FGF12: variants seen among roughly 807,000 people sequenced by gnomAD.
FGF12 encodes the protein fibroblast growth factor 12B.
Under a neutral mutation model 23.6 loss-of-function variants are expected in FGF12, and 14 were observed. The observed-to-expected ratio is 0.59, with a 90% CI of 0.39 to 0.93. FGF12 has a LOEUF of 0.93. FGF12 is among the 40% of genes least tolerant of loss of function. The pLI, the probability that FGF12 is intolerant of heterozygous loss-of-function variation, is 0.00. For missense variants in FGF12, 175 were observed against 217.8 expected, an observed-to-expected ratio of 0.80 and a Z score of 1.24; for synonymous variants, 62 against 77.3, an observed-to-expected ratio of 0.80 and a Z score of 1.04.
chr3:192,343,878 T>C (rs1449031596), intron 3 of FGF12, among the ~76,000 whole-genome samples: 2 of 152,200 alleles, frequency 1.3e-5, no homozygotes, highest in African/African-American at 2.4e-5. Context: ...TTGTTGTTAC[T>C]GAATTTAACC....
chr3:192,597,299 A>C (rs1196485543), intron 2 of FGF12, among the ~76,000 whole-genome samples: 1 of 152,190 alleles, frequency 6.6e-6, no homozygotes, highest in Non-Finnish European at 1.5e-5. Flanking sequence ...TTCACGCACC[A>C]AACCACAGTA....
chr3:192,453,143 C>T (rs1560115804), intron 2 of FGF12, among the ~76,000 whole-genome samples: 1 of 152,052 alleles, frequency 6.6e-6, no homozygotes, highest in Non-Finnish European at 1.5e-5. Flanking sequence ...TTATTATGAC[C>T]TGGGTAATCA....
At chr3:192,500,939 G>T (rs780953227) in intron 2 of FGF12, among the ~76,000 whole-genome samples, 27 of 152,256 alleles carry the variant, frequency 1.8e-4, no homozygotes, top group Middle Eastern at 3.4e-3. Context: ...GTAAAACCCA[G>T]GCAACGTGGC....
Position 192,246,068 on chromosome 3 carries a change from A to G in FGF12, c.229-75412T>C, listed in dbSNP as rs189583212. Reference sequence around the variant, plus strand: ...AAAATTCTGTTTTTAATAACATCAGAACATAAACATAACTTCAAAACATTT... The same window carrying G: ...AAAATTCTGTTTTTAATAACATCAGGACATAAACATAACTTCAAAACATTT... On this transcript the variant is annotated intron_variant, in intron 4 of 5. Transcript: ENST00000445105. Among the ~76,000 whole-genome samples, 10 of 152,338 alleles carry G rather than the reference A, an allele frequency of 6.6e-5. No homozygotes were observed. The East Asian group carries it at 1.9e-3, about 29-fold the overall frequency.
At chr3:192,521,540 CA>C (rs1164215945) in intron 2 of FGF12, 2 of 152,108 alleles carry the variant, frequency 1.3e-5, no homozygotes, top group East Asian at 3.9e-4. Flanking sequence ...AGCAATTGCT[CA>C]TTAGTCAAAA....
chr3:192,207,774 G>T (rs1288697145), intron 4 of FGF12, among the ~76,000 whole-genome samples: 1 of 152,120 alleles, frequency 6.6e-6, no homozygotes, highest in African/African-American at 2.4e-5. Context: ...TATTTCCTTG[G>T]CATCAGAGTG....
intron 2 of FGF12, among the ~76,000 whole-genome samples, chr3:192,363,894 A>G (rs1016164581): frequency 5.9e-5 from 9 of 152,228 alleles, no homozygotes; most frequent in African/African-American, 2.2e-4. Context: ...ATATGAAGAA[A>G]ACGAAAACCT....
At chr3:192,656,011 A>C (rs1345887181) in intron 2 of FGF12, among the ~76,000 whole-genome samples, 6 of 150,686 alleles carry the variant, frequency 4.0e-5, no homozygotes, top group African/African-American at 1.2e-4. Flanking sequence ...CATGCCAGAA[A>C]AGAAATTCCC....
In FGF12 at chr3:192,393,319, C is replaced by A. The variant is rs207464193; in HGVS notation, c.14-32781G>T. Among the ~76,000 whole-genome samples, 3 of 152,332 alleles carry A rather than the reference C, an allele frequency of 2.0e-5. No individual in the cohort carries two copies. In the South Asian group the frequency reaches 6.2e-4, roughly 32 times the overall value. On this transcript the variant is annotated intron_variant, in intron 2 of 5. Transcript: ENST00000445105. ...TAGCCAGTGATTCAGTAGAATCCTA[C>A]ATTGACTCTCAACTCACTTGTAAAT...
chr3:192,387,458 A>G, intron 2 of FGF12, among the ~76,000 whole-genome samples: 1 of 152,320 alleles, frequency 6.6e-6, no homozygotes, highest in East Asian at 1.9e-4. Flanking sequence ...AAAGCCAGGT[A>G]TGCTTCAATA....
chr3:192,722,173 G>T (rs1210280921), intron 2 of FGF12, among the ~76,000 whole-genome samples: 7 of 152,148 alleles, frequency 4.6e-5, no homozygotes, highest in African/African-American at 1.4e-4. Context: ...AAGAGGAAAA[G>T]ATTTGTCCAA....
intron 4 of FGF12, among the ~76,000 whole-genome samples, chr3:192,223,411 A>G (rs1044637878): frequency 1.3e-5 from 2 of 152,304 alleles, no homozygotes; most frequent in African/African-American, 4.8e-5. Flanking sequence ...GAAATAAAAT[A>G]AAAGCTAAAG....
At chr3:192,588,317 T>A (rs1158101311) in intron 2 of FGF12, among the ~76,000 whole-genome samples, 2 of 119,744 alleles carry the variant, frequency 1.7e-5, no homozygotes, top group South Asian at 5.6e-4. Flanking sequence ...GCCACTGCAC[T>A]CCAGCCTGGG....
At chr3:192,602,287 G>A (rs1191238254) in intron 2 of FGF12, among the ~76,000 whole-genome samples, 1 of 152,092 alleles carries the variant, frequency 6.6e-6, no homozygotes, top group Non-Finnish European at 1.5e-5. Context: ...TATTTAAGAA[G>A]TAAAAAATTA....
chr3:192,513,381 T>G (rs978471475), intron 2 of FGF12, among the ~76,000 whole-genome samples: 1 of 152,210 alleles, frequency 6.6e-6, no homozygotes, highest in African/African-American at 2.4e-5. Context: ...ATCTCGTTGC[T>G]GATTCCATTT....
chr3:192,497,179 C>T (rs1441743518), intron 2 of FGF12, among the ~76,000 whole-genome samples: 2 of 152,204 alleles, frequency 1.3e-5, no homozygotes, highest in African/African-American at 4.8e-5. Context: ...CAGATTTACT[C>T]TATTTCCCAA....
chr3:192,479,127 G>A (rs907042100), intron 2 of FGF12, among the ~76,000 whole-genome samples: 32 of 152,148 alleles, frequency 2.1e-4, no homozygotes, highest in African/African-American at 7.5e-4. Context: ...CTGGATACAG[G>A]AAATATATTC....
At chr3:192,433,028 G>A (rs12107377) in intron 2 of FGF12, among the ~76,000 whole-genome samples, 84,855 of 151,842 alleles carry the variant, frequency 0.56, 24,097 homozygotes, top group African/African-American at 0.67. Context: ...ATCGTCAAAC[G>A]TGAGAATCCA....
intron 2 of FGF12, among the ~76,000 whole-genome samples, chr3:192,385,163 C>G (rs899796792): frequency 6.6e-6 from 1 of 152,122 alleles, no homozygotes; most frequent in Non-Finnish European, 1.5e-5. Flanking sequence ...TGTGCTGAGG[C>G]TCTACGTGAA....
Sources: gnomAD v4.1 joint callset for allele counts (sites outside exome capture counted in the v4.1 genomes callset) on GRCh38, gnomAD v4.1.1 for gene constraint, MANE v1.5 for transcripts, NCBI Gene and HGNC (gene_info 2026-07-23, HGNC 2026-07-21) for gene names.